The following HS2ST1 variants were observed in gnomAD, a reference collection of about 807,000 sequenced individuals.
The protein encoded by HS2ST1 is heparan sulfate 2-O-sulfotransferase 1, also known as 2-O-sulfotransferase.
HS2ST1 carries 18 observed loss-of-function variants against 42.9 expected under a neutral mutation model. The ratio of observed to expected loss-of-function variants is 0.42; its 90% CI spans 0.29 to 0.62. HS2ST1 has a LOEUF of 0.62. Ranked by LOEUF, HS2ST1 falls within the 20% of genes least tolerant of loss-of-function variation. HS2ST1 has a pLI of 0.21. For synonymous variants in HS2ST1, 146 were observed against 152.9 expected (o/e 0.95, Z 0.33); for missense variants, 334 against 433.8 (o/e 0.77, Z 2.04).
At chr1:87,060,843 A>G (rs927796399) in intron 1 of HS2ST1, among the ~76,000 whole-genome samples, 2 of 152,172 alleles carry the variant, frequency 1.3e-5, no homozygotes, top group Non-Finnish European at 2.9e-5. Context: ...AACCTTAGCA[A>G]TAACACAAAA....
intron 1 of HS2ST1, among the ~76,000 whole-genome samples, chr1:86,988,260 A>G (rs1648847993): frequency 6.6e-6 from 1 of 152,234 alleles, no homozygotes; most frequent in Admixed American, 6.5e-5. Context: ...CAGAACACCC[A>G]GAACTTTGGA....
chr1:86,990,281 TTG>T (rs1648904378), intron 1 of HS2ST1, among the ~76,000 whole-genome samples: 1 of 152,208 alleles, frequency 6.6e-6, no homozygotes, highest in South Asian at 2.1e-4. Context: ...AGATTGTTGT[TTG>T]TATGACTTTG....
At chr1:87,097,167 A>G (rs954155236) in intron 4 of HS2ST1, among the ~76,000 whole-genome samples, 10 of 152,208 alleles carry the variant, frequency 6.6e-5, no homozygotes, top group Non-Finnish European at 1.3e-4. Flanking sequence ...GCACTATTCT[A>G]TATGCTCTGG....
chr1:86,979,216 A>G (rs1648511578), intron 1 of HS2ST1, among the ~76,000 whole-genome samples: 1 of 152,164 alleles, frequency 6.6e-6, no homozygotes, highest in African/African-American at 2.4e-5. Context: ...TATACGTAAA[A>G]CTTGTCATTT....
intron 1 of HS2ST1, among the ~76,000 whole-genome samples, chr1:87,035,068 A>G (rs1218077024): frequency 6.6e-6 from 1 of 152,212 alleles, no homozygotes; most frequent in Non-Finnish European, 1.5e-5. Context: ...ATGGAGGCTC[A>G]GTCCATGAGC....
chr1:87,019,777 A>G (rs553084645), intron 1 of HS2ST1, among the ~76,000 whole-genome samples: 1 of 152,366 alleles, frequency 6.6e-6, no homozygotes, highest in East Asian at 1.9e-4. Flanking sequence ...TGATCATTGT[A>G]CATTCTAATG....
chr1:86,933,706 ATTTT>A (rs58580477), intron 1 of HS2ST1, among the ~76,000 whole-genome samples: 1 of 129,190 alleles, frequency 7.7e-6, no homozygotes, highest in Non-Finnish European at 1.6e-5. Context: ...ATGCCTTGTA[ATTTT>A]TTTTTTTTTT....
intron 1 of HS2ST1, among the ~76,000 whole-genome samples, chr1:86,963,860 G>A (rs1273386144): frequency 1.4e-5 from 2 of 147,756 alleles, no homozygotes; most frequent in East Asian, 2.0e-4. Flanking sequence ...CCGCCCGGAC[G>A]GGGTGGCTGG....
intron 1 of HS2ST1, among the ~76,000 whole-genome samples, chr1:86,917,188 A>G (rs1338518343): frequency 6.6e-6 from 1 of 152,202 alleles, no homozygotes; most frequent in East Asian, 1.9e-4. Flanking sequence ...GGCACTTTTC[A>G]TCGTAGATAC....
At chr1:87,013,653 T>C (rs1649667016) in intron 1 of HS2ST1, among the ~76,000 whole-genome samples, 1 of 152,168 alleles carries the variant, frequency 6.6e-6, no homozygotes, top group South Asian at 2.1e-4. Flanking sequence ...AGGAAATGGG[T>C]TTTTCTTTTC....
intron 1 of HS2ST1, among the ~76,000 whole-genome samples, chr1:86,999,610 T>G (rs1570474261): frequency 6.6e-6 from 1 of 152,224 alleles, no homozygotes; most frequent in African/African-American, 2.4e-5. Context: ...ATGTCTGTTC[T>G]CTCTCCCATT....
chr1:86,992,389 G>A (rs1648979930), intron 1 of HS2ST1, among the ~76,000 whole-genome samples: 1 of 151,628 alleles, frequency 6.6e-6, no homozygotes, highest in South Asian at 2.1e-4. Flanking sequence ...GTGTGAGATG[G>A]AGTTTCGCTC....
At chr1:86,935,522 G>A (rs1301276281) in intron 1 of HS2ST1, among the ~76,000 whole-genome samples, 1 of 145,026 alleles carries the variant, frequency 6.9e-6, no homozygotes, top group African/African-American at 2.6e-5. Context: ...GTGTGCAGTG[G>A]CACAATCTCG....
chr1:87,085,599 T>A (rs1430754206), intron 3 of HS2ST1, among the ~76,000 whole-genome samples: 1 of 152,254 alleles, frequency 6.6e-6, no homozygotes, highest in Non-Finnish European at 1.5e-5. Context: ...TAGGCAGCTT[T>A]AAAATAAACT....
At chr1:86,979,233 A>G (rs747183735) in intron 1 of HS2ST1, among the ~76,000 whole-genome samples, 8 of 152,170 alleles carry the variant, frequency 5.3e-5, no homozygotes, top group African/African-American at 1.9e-4. Context: ...ATTTAAAACA[A>G]TTTTTAAGCG....
chr1:87,002,889 A>G (rs1483052542), intron 1 of HS2ST1, among the ~76,000 whole-genome samples: 1 of 152,204 alleles, frequency 6.6e-6, no homozygotes, highest in Non-Finnish European at 1.5e-5. Context: ...TGGCTCTTGC[A>G]ACTTTTTAGC....
intron 3 of HS2ST1, among the ~76,000 whole-genome samples, chr1:87,089,157 G>A (rs1206393616): frequency 6.6e-6 from 1 of 151,880 alleles, no homozygotes; most frequent in Non-Finnish European, 1.5e-5. Flanking sequence ...CATTATTGTT[G>A]TTCATTTGCA....
At position 87,015,416 on chromosome 1, in the gene HS2ST1, C is replaced by T. The variant is rs145317851; in HGVS notation, c.125-57518C>T. 7.7e-3 allele frequency among the ~76,000 whole-genome samples: 1,120 copies of T among 146,146 alleles called. 7 individuals are homozygous for T. The highest frequency in any genetic ancestry group is 0.025 in the African/African-American group (991 of 39,832). On this transcript the variant is annotated intron_variant, in intron 1 of 6. Transcript: ENST00000370550. ...AGGCTGGAATGCGGTGGCGCAATCT[C>T]GGCTCACTGCAAGCTCTGCTTCCCA...
intron 1 of HS2ST1, chr1:87,046,573 GA>G: frequency 1.3e-6 from 2 of 1,578,994 alleles, no homozygotes; most frequent in Non-Finnish European, 1.7e-6. Flanking sequence ...AACTATGGCG[GA>G]AAAGGAAACC....
Sources: allele counts gnomAD v4.1 joint callset (sites outside exome capture counted in the v4.1 genomes callset), GRCh38; gene constraint gnomAD v4.1.1; transcripts MANE v1.5; gene names NCBI Gene and HGNC (gene_info 2026-07-23, HGNC 2026-07-21).